Variants in LDLRAP1 observed in about 807,000 individuals in gnomAD.
LDLRAP1 encodes the protein low density lipoprotein receptor adapter protein 1.
Under a neutral mutation model 37.8 loss-of-function variants are expected in LDLRAP1, and 30 were observed. The observed-to-expected ratio is 0.79, with a 90% confidence interval of 0.59 to 1.08. LDLRAP1 has a LOEUF of 1.08. LDLRAP1 is among the 50% of genes least tolerant of loss of function. The probability of loss-of-function intolerance (pLI) is 0.00; values close to 1 mark genes in which losing one functional copy is unlikely to be tolerated. For missense variants in LDLRAP1, 375 were observed against 401.6 expected (o/e 0.93, Z 0.57); for synonymous variants, 156 against 169.8 (o/e 0.92, Z 0.63).
downstream of LDLRAP1, among the ~76,000 whole-genome samples, chr1:25,571,892 C>T (rs1025430340): frequency 3.3e-5 from 5 of 152,216 alleles, no homozygotes; most frequent in East Asian, 1.9e-4. Context: ...AGCCCCAGCA[C>T]GGCCTGTCTC....
At chr1:25,560,918 T>A (rs1195353612) in intron 4 of LDLRAP1, among the ~76,000 whole-genome samples, 1 of 152,228 alleles carries the variant, frequency 6.6e-6, no homozygotes, top group Non-Finnish European at 1.5e-5. Context: ...CCCACCCCAC[T>A]CCCAGTCCCT....
At chr1:25,548,845 G>A (rs1225338854) in intron 1 of LDLRAP1, among the ~76,000 whole-genome samples, 4 of 152,110 alleles carry the variant, frequency 2.6e-5, no homozygotes, top group Middle Eastern at 3.4e-3. Context: ...TTGTAGAGAC[G>A]AGGTCTTACC....
At chr1:25,563,534 C>T (rs952118080) in intron 6 of LDLRAP1, 127 bp from the exon 7 acceptor site, 17 of 1,296,202 alleles carry the variant, frequency 1.3e-5, no homozygotes, top group African/African-American at 7.3e-5. Context: ...GTGCCAGGGC[C>T]GGGCTCTGCT....
intron 1 of LDLRAP1, among the ~76,000 whole-genome samples, chr1:25,548,846 A>T (rs1041152010): frequency 1.6e-4 from 24 of 152,008 alleles, no homozygotes; most frequent in African/African-American, 5.8e-4. Context: ...TGTAGAGACG[A>T]GGTCTTACCA....
the LDLRAP1 span, among the ~76,000 whole-genome samples, chr1:25,589,530 A>G: frequency 9.9e-5 from 15 of 152,188 alleles, no homozygotes; most frequent in Non-Finnish European, 1.3e-4. Flanking sequence ...ACTCACACCA[A>G]TGTGGGTAGG....
chr1:25,585,784 T>C, the LDLRAP1 span, among the ~76,000 whole-genome samples: 10 of 152,310 alleles, frequency 6.6e-5, no homozygotes, highest in Non-Finnish European at 1.3e-4. Context: ...GGAGCCTGTA[T>C]GAGGGGCTGA....
chr1:25,576,303 G>GGTGA, the LDLRAP1 span, among the ~76,000 whole-genome samples: 5 of 152,204 alleles, frequency 3.3e-5, no homozygotes, highest in South Asian at 1.0e-3. Context: ...AAAGCAGGTG[G>GGTGA]ATCGCTTGAG....
In LDLRAP1 at chr1:25,553,907, C is replaced by T; in HGVS notation, c.89-15C>T. Reference sequence around the variant, plus strand: ...TGAGCCGCAGGGTCTGAGGGCCTACCCTGTGCTACCCCAGAGCTGCCTGAG... The same window carrying T: ...TGAGCCGCAGGGTCTGAGGGCCTACTCTGTGCTACCCCAGAGCTGCCTGAG... On this transcript the variant is annotated splice_polypyrimidine_tract_variant and intron_variant, in intron 1 of 8. Coordinates refer to ENST00000374338, the MANE Select transcript of LDLRAP1 (RefSeq NM_015627.3). 1 of 1,613,010 alleles carries T rather than the reference C, an allele frequency of 6.2e-7. No individual in the cohort carries two copies. Among genetic ancestry groups the T allele is most frequent in the Non-Finnish European group, 8.5e-7 (1 of 1,179,868 alleles).
In LDLRAP1 at chr1:25,566,956, C is replaced by T. The variant is rs1306470103; in HGVS notation, c.891C>T (p.Ser297=). ...LSPVDWDKPD[S]SGTEQDDLFS... is the part of the protein sequence containing the mutation. ...CTGTCGACTGGGACAAGCCTGACAG[C>T]AGCGGCACAGAGCAGGATGACCTCT... The change falls in exon 9 of 9, where the codon AGC becomes AGT. Residue 297 remains serine, a synonymous_variant. Transcript: ENST00000374338. 3.1e-6 allele frequency: 5 copies of T among 1,613,462 alleles called. No homozygotes were observed. Among genetic ancestry groups the T allele is most frequent in the East Asian group, 4.5e-5 (2 of 44,886 alleles).
the LDLRAP1 span, among the ~76,000 whole-genome samples, chr1:25,575,224 C>T: frequency 6.6e-6 from 1 of 152,082 alleles, no homozygotes; most frequent in Non-Finnish European, 1.5e-5. Context: ...TGGGGGCCTC[C>T]TGGGAAAGCC....
At chr1:25,557,297 G>A (rs1410071750) in intron 4 of LDLRAP1, 30 bp downstream of exon 4, 7 of 1,565,484 alleles carry the variant, frequency 4.5e-6, no homozygotes, top group Non-Finnish European at 6.2e-6. Flanking sequence ...GCGGGGACAG[G>A]GTCCAGTGGC....
Position 25,563,788 on chromosome 1 carries a change from C to G in LDLRAP1, c.744C>G (p.Val248=), listed in dbSNP as rs2044408772. The change falls in exon 7 of 9, where the codon GTC becomes GTG. Residue 248 remains valine (V), a synonymous_variant. Coordinates refer to ENST00000374338, the MANE Select transcript of LDLRAP1 (RefSeq NM_015627.3). ...RPQALSGSSV[V]WELDDGLDEA... Reference sequence around the variant, plus strand: ...AAGCCTTGAGTGGCAGCAGTGTTGTCTGGGTGAGTGGTTGTGTGGCCAGCA... The same window carrying G: ...AAGCCTTGAGTGGCAGCAGTGTTGTGTGGGTGAGTGGTTGTGTGGCCAGCA... 1 of 1,613,772 alleles carries G rather than the reference C, an allele frequency of 6.2e-7. No homozygotes were observed. Among genetic ancestry groups the G allele is most frequent in the South Asian group, 1.1e-5 (1 of 91,082 alleles).
intron 4 of LDLRAP1, 40 bp from the exon 5 acceptor site, chr1:25,562,604 T>C (rs2044368779): frequency 6.3e-7 from 1 of 1,578,014 alleles, no homozygotes. Context: ...CTGCCCTGGC[T>C]GACACTGCAC....
chr1:25,553,930 G>C lies in LDLRAP1; in HGVS notation c.97G>C (p.Glu33Gln). The C allele has an allele frequency of 6.2e-7, 1 of 1,613,858 alleles. No individual in the cohort carries two copies. Among genetic ancestry groups the C allele is most frequent in the South Asian group, 1.1e-5 (1 of 91,078 alleles). Residue 33 changes from glutamate (E) to glutamine (Q), a missense_variant, in exon 2 of 9, where the codon GAG becomes CAG. Physicochemically the swap from Glu to Gln is conservative, Grantham distance 29. Transcript: ENST00000374338. ...ACCCTGTGCTACCCCAGAGCTGCCT[G>C]AGAACTGGACAGACACGCGGGAGAC... ...GGGGRHRKLP[E>Q]NWTDTRETLL...
chr1:25,549,498 G>A lies in LDLRAP1; in HGVS notation c.89-4424G>A, dbSNP rs573638333. ...GGGGACCTTAACAAGGAAAGAACAC[G>A]TGTTCACAGCTGTAATTTAGACCTT... On this transcript the variant is annotated intron_variant, in intron 1 of 8. Coordinates refer to ENST00000374338, the MANE Select transcript of LDLRAP1 (RefSeq NM_015627.3). Among the ~76,000 whole-genome samples the A allele has an allele frequency of 5.3e-5, 8 of 152,352 alleles. No homozygotes were observed. The South Asian group carries it at 1.2e-3, about 24-fold the overall frequency.
Position 25,568,465 on chromosome 1 carries a change from CT to C in LDLRAP1, c.*1475del, listed in dbSNP as rs1175870924. Reference sequence around the variant, plus strand: ...CCTGAGGTGCCTCCCAGTGGCCTGGCTTGTCGGAGCAAGTTTCATCAGCCCT... The same window carrying C: ...CCTGAGGTGCCTCCCAGTGGCCTGGCTGTCGGAGCAAGTTTCATCAGCCCT... On this transcript the variant is annotated 3_prime_UTR_variant, in exon 9 of 9. Coordinates refer to ENST00000374338, the MANE Select transcript of LDLRAP1 (RefSeq NM_015627.3). 6.6e-6 allele frequency: 1 copy of C among 152,240 alleles called. No homozygotes were observed. The highest frequency in any genetic ancestry group is 1.5e-5 in the Non-Finnish European group (1 of 68,052). 9.4% of individuals were successfully genotyped at this position (152,240 alleles called of 1,614,324 possible).
intron 7 of LDLRAP1, chr1:25,564,488 T>G (rs1237374866): frequency 1.3e-5 from 2 of 155,850 alleles, no homozygotes; most frequent in African/African-American, 4.8e-5. Flanking sequence ...AGGTGCCCCT[T>G]CAGTGTCCTG....
the LDLRAP1 span, among the ~76,000 whole-genome samples, chr1:25,580,849 C>G: frequency 6.6e-6 from 1 of 152,120 alleles, no homozygotes; most frequent in Admixed American, 6.5e-5. Flanking sequence ...TTATCAACCC[C>G]ATTTTATAGA....
chr1:25,557,456 G>A (rs2044233188), intron 4 of LDLRAP1, 189 bp downstream of exon 4: 3 of 606,478 alleles, frequency 4.9e-6, no homozygotes, highest in Admixed American at 2.7e-5. Context: ...CAGGCAGGCA[G>A]GTGAACCGCC....
Sources: gnomAD v4.1 joint callset for allele counts (sites outside exome capture counted in the v4.1 genomes callset) on GRCh38, gnomAD v4.1.1 for gene constraint, MANE v1.5 for transcripts, NCBI Gene and HGNC (gene_info 2026-07-23, HGNC 2026-07-21) for gene names.